The following PLD5 variants were observed in gnomAD, a reference collection of about 807,000 sequenced individuals.
PLD5 encodes inactive phospholipase D5.
PLD5 carries 36 observed loss-of-function variants against 61.1 expected under a neutral mutation model. The ratio of observed to expected loss-of-function variants is 0.59; its 90% CI spans 0.45 to 0.78. The LOEUF is 0.78. Among genes scored for constraint, PLD5 ranks in the 30% least tolerant of loss-of-function variants. The pLI is 0.00. For missense variants in PLD5, 515 were observed against 644.4 expected (o/e 0.80, Z 2.17); for synonymous variants, 243 against 242.8 (o/e 1.00, Z -0.01).
chr1:242,486,353 C>G (rs1048796536), intron 1 of PLD5, among the ~76,000 whole-genome samples: 2 of 152,054 alleles, frequency 1.3e-5, no homozygotes, highest in Non-Finnish European at 2.9e-5. Flanking sequence ...TACAAGAACT[C>G]AAACAAATTT....
chr1:242,183,283 G>A (rs1574469386), intron 5 of PLD5, among the ~76,000 whole-genome samples: 1 of 152,212 alleles, frequency 6.6e-6, no homozygotes, highest in East Asian at 1.9e-4. Context: ...ATCATTCCTT[G>A]TTAAATATTT....
At chr1:242,157,909 G>T (rs1665514270) in intron 5 of PLD5, among the ~76,000 whole-genome samples, 1 of 152,194 alleles carries the variant, frequency 6.6e-6, no homozygotes. Context: ...CTGAAGCTGT[G>T]CCCACAGCTG....
At chr1:242,223,109 G>T (rs1441813267) in intron 4 of PLD5, among the ~76,000 whole-genome samples, 1 of 152,196 alleles carries the variant, frequency 6.6e-6, no homozygotes, top group Non-Finnish European at 1.5e-5. Flanking sequence ...TCTAGTGAAG[G>T]TCGACTTTCT....
intron 5 of PLD5, among the ~76,000 whole-genome samples, chr1:242,152,592 G>A (rs537593365): frequency 1.0e-3 from 158 of 152,030 alleles, no homozygotes; most frequent in African/African-American, 3.6e-3. Flanking sequence ...AGTTATGAGT[G>A]AGAACATGTG....
chr1:242,179,103 A>C (rs1015523697), intron 5 of PLD5, among the ~76,000 whole-genome samples: 1 of 152,326 alleles, frequency 6.6e-6, no homozygotes, highest in East Asian at 1.9e-4. Context: ...ACTCATGCAG[A>C]GCAATGTGGG....
At chr1:242,166,777 A>T (rs1666334681) in intron 5 of PLD5, among the ~76,000 whole-genome samples, 1 of 152,196 alleles carries the variant, frequency 6.6e-6, no homozygotes, top group Admixed American at 6.5e-5. Context: ...GACCAAATAG[A>T]TGCTGACTGA....
intron 5 of PLD5, among the ~76,000 whole-genome samples, chr1:242,169,115 A>G (rs919797835): frequency 2.0e-5 from 3 of 152,048 alleles, no homozygotes; most frequent in African/African-American, 4.8e-5. Context: ...AACCATTAGT[A>G]TCCCCCAAAA....
chr1:242,487,003 T>G (rs984445194), intron 1 of PLD5, among the ~76,000 whole-genome samples: 1 of 151,798 alleles, frequency 6.6e-6, no homozygotes, highest in African/African-American at 2.4e-5. Context: ...TAGGTGGGAA[T>G]TGAACAATAA....
chr1:242,269,054 G>C (rs1323586278), intron 3 of PLD5, among the ~76,000 whole-genome samples: 1 of 152,056 alleles, frequency 6.6e-6, no homozygotes, highest in Non-Finnish European at 1.5e-5. Flanking sequence ...TGTTGGCCAG[G>C]CTGGTCTTGA....
At chr1:242,454,654 T>C (rs1458502655) in intron 1 of PLD5, among the ~76,000 whole-genome samples, 4 of 151,796 alleles carry the variant, frequency 2.6e-5, no homozygotes, top group Non-Finnish European at 5.9e-5. Context: ...CATAAAAGAG[T>C]TTCTAACGCT....
intron 5 of PLD5, among the ~76,000 whole-genome samples, chr1:242,159,906 A>G (rs920536860): frequency 6.6e-6 from 1 of 152,054 alleles, no homozygotes; most frequent in Non-Finnish European, 1.5e-5. Context: ...ATTGGGTGCT[A>G]TTTCTCCTTG....
At chr1:242,443,242 A>G (rs1368375473) in intron 1 of PLD5, among the ~76,000 whole-genome samples, 2 of 152,162 alleles carry the variant, frequency 1.3e-5, no homozygotes, top group East Asian at 3.8e-4. Flanking sequence ...TGTTTTTACT[A>G]TTGAAAACAA....
intron 2 of PLD5, among the ~76,000 whole-genome samples, chr1:242,300,226 G>A (rs1675945395): frequency 6.6e-6 from 1 of 152,116 alleles, no homozygotes; most frequent in Non-Finnish European, 1.5e-5. Flanking sequence ...ATCACCTGAG[G>A]TCAGGAGTTT....
intron 5 of PLD5, among the ~76,000 whole-genome samples, chr1:242,183,979 A>C (rs996148052): frequency 9.9e-5 from 15 of 152,216 alleles, no homozygotes; most frequent in African/African-American, 3.6e-4. Flanking sequence ...CTTCATATTT[A>C]TTTATATCCT....
chr1:242,455,820 G>C (rs938310481), intron 1 of PLD5, among the ~76,000 whole-genome samples: 8 of 152,204 alleles, frequency 5.3e-5, no homozygotes, highest in African/African-American at 1.9e-4. Context: ...CTGATCAACA[G>C]AAGTGTCCCA....
intron 1 of PLD5, among the ~76,000 whole-genome samples, chr1:242,358,671 A>G (rs1366155683): frequency 2.3e-4 from 35 of 152,048 alleles, no homozygotes; most frequent in Admixed American, 2.3e-3. Flanking sequence ...ATCTGGACTC[A>G]TCAGTTGGAC....
chr1:242,101,653 A>G (rs1660700800), intron 8 of PLD5, among the ~76,000 whole-genome samples: 1 of 152,226 alleles, frequency 6.6e-6, no homozygotes, highest in Non-Finnish European at 1.5e-5. Flanking sequence ...TCGTGTATTT[A>G]AAGGAAAGAA....
At chr1:242,513,122 C>T in intron 1 of PLD5, among the ~76,000 whole-genome samples, 1 of 152,136 alleles carries the variant, frequency 6.6e-6, no homozygotes, top group East Asian at 1.9e-4. Flanking sequence ...TCAAGCGATC[C>T]TCCCAGTCCA....
At chr1:242,384,584 G>A (rs904063195) in intron 1 of PLD5, among the ~76,000 whole-genome samples, 4 of 152,106 alleles carry the variant, frequency 2.6e-5, no homozygotes, top group East Asian at 1.9e-4. Flanking sequence ...ATGACGCTTC[G>A]TCTTATTCAT....
Sources: allele counts gnomAD v4.1 joint callset (sites outside exome capture counted in the v4.1 genomes callset), GRCh38; gene constraint gnomAD v4.1.1; transcripts MANE v1.5; gene names NCBI Gene and HGNC (gene_info 2026-07-23, HGNC 2026-07-21).